MAP2K6: variants seen among roughly 807,000 people sequenced by gnomAD.
MAP2K6 encodes dual specificity mitogen-activated protein kinase kinase 6.
MAP2K6 carries 16 observed loss-of-function variants against 53.7 expected under a neutral mutation model. The observed-to-expected ratio is 0.30, with a 90% CI of 0.20 to 0.45. The LOEUF (loss-of-function observed/expected upper bound fraction) is 0.45, where lower values mean the gene tolerates loss of function less well. MAP2K6 is among the 20% of genes least tolerant of loss of function. MAP2K6 has a pLI of 1.00. For missense variants in MAP2K6, 204 were observed against 411.9 expected, an observed-to-expected ratio of 0.50 and a Z score of 4.37; for synonymous variants, 132 against 143.1, an observed-to-expected ratio of 0.92 and a Z score of 0.55.
chr17:69,477,213 G>A (rs993194013), intron 1 of MAP2K6: 1 of 152,208 alleles, frequency 6.6e-6, no homozygotes, highest in African/African-American at 2.4e-5. Flanking sequence ...AGGGAAGGAA[G>A]GAAAGCCAGT....
At chr17:69,473,796 A>C (rs1908054282) in intron 1 of MAP2K6, among the ~76,000 whole-genome samples, 1 of 152,200 alleles carries the variant, frequency 6.6e-6, no homozygotes, top group African/African-American at 2.4e-5. Context: ...AGGGTTCAAT[A>C]TATCTATTTT....
At chr17:69,522,779 G>T (rs115809472) in intron 7 of MAP2K6, among the ~76,000 whole-genome samples, 1,701 of 152,138 alleles carry the variant, frequency 0.011, 30 homozygotes, top group African/African-American at 0.039. Context: ...CTTTGGGCCA[G>T]GCTTGGTGGC....
chr17:69,527,395 G>A (rs1910830532), intron 10 of MAP2K6, among the ~76,000 whole-genome samples: 1 of 152,210 alleles, frequency 6.6e-6, no homozygotes, highest in Admixed American at 6.5e-5. Context: ...AAGGAAGTTG[G>A]GGTGGAAAGT....
intron 1 of MAP2K6, among the ~76,000 whole-genome samples, chr17:69,483,863 C>G (rs182526746): frequency 6.3e-4 from 96 of 152,040 alleles, no homozygotes; most frequent in African/African-American, 2.2e-3. Flanking sequence ...GTCTTTTCAA[C>G]AAATGTTGCT....
intron 11 of MAP2K6, among the ~76,000 whole-genome samples, chr17:69,540,636 G>T (rs1309262462): frequency 1.3e-5 from 2 of 152,184 alleles, no homozygotes; most frequent in African/African-American, 4.8e-5. Context: ...TACCATGCTT[G>T]TTCCCCTAGC....
chr17:69,475,984 CGA>C (rs1908136956), intron 1 of MAP2K6, among the ~76,000 whole-genome samples: 2 of 152,058 alleles, frequency 1.3e-5, no homozygotes, highest in Admixed American at 1.3e-4. Context: ...GAAGCAATCT[CGA>C]AACCCTTTTT....
chr17:69,415,263 G>A (rs1482476701), intron 1 of MAP2K6, among the ~76,000 whole-genome samples: 3 of 152,162 alleles, frequency 2.0e-5, no homozygotes, highest in African/African-American at 7.2e-5. Flanking sequence ...TGCACAGTCA[G>A]GAGAGACAGA....
intron 1 of MAP2K6, among the ~76,000 whole-genome samples, chr17:69,449,543 TTCTTTCTTTCTTTCTTTATTTCTTTC>T (rs1907112798): frequency 4.5e-5 from 4 of 88,442 alleles, no homozygotes; most frequent in Admixed American, 1.3e-4. Context: ...CTTTCTTTCT[TTCTTTCTTTCTTTCTTTATTTCTTTC>T]TTTCTTTCTT....
chr17:69,445,044 C>T (rs1964443), intron 1 of MAP2K6, among the ~76,000 whole-genome samples: 51,244 of 152,078 alleles, frequency 0.34, 9,937 homozygotes, highest in Admixed American at 0.43. Context: ...CCTCAGCCTC[C>T]CAAGTAGCTG....
chr17:69,452,098 A>G (rs1041907044), intron 1 of MAP2K6, among the ~76,000 whole-genome samples: 3 of 151,962 alleles, frequency 2.0e-5, no homozygotes, highest in African/African-American at 4.8e-5. Flanking sequence ...AAGTTCCCCT[A>G]ACGCAGTGCT....
At chr17:69,449,553 C>CTTTT (rs1379930305) in intron 1 of MAP2K6, among the ~76,000 whole-genome samples, 4 of 105,482 alleles carry the variant, frequency 3.8e-5, no homozygotes, top group Non-Finnish European at 5.5e-5. Flanking sequence ...TTCTTTCTTT[C>CTTTT]TTTCTTTATT....
In MAP2K6 at chr17:69,517,556, G is replaced by T. The variant is rs149312985; in HGVS notation, c.189G>T (p.Ala63=). The T allele has an allele frequency of 2.7e-5, 44 of 1,610,658 alleles. No homozygotes were observed. Among genetic ancestry groups the T allele is most frequent in the African/African-American group, 4.0e-5 (3 of 74,784 alleles). Residue 63 remains alanine, a synonymous_variant, in exon 4 of 12, where the codon GCG becomes GCT. Transcript: ENST00000590474. ...LEPIMELGRG[A]YGVVEKMRHV... is the part of the protein sequence containing the mutation. ...CTATAATGGAACTGGGACGAGGTGCGTACGGGGTGGTGGAGAAGATGCGGC... is the reference window on the plus strand; with the variant it reads ...CTATAATGGAACTGGGACGAGGTGCTTACGGGGTGGTGGAGAAGATGCGGC...
Position 69,523,542 on chromosome 17 carries a change from T to C in MAP2K6, c.564T>C (p.Asn188=). 1 of 1,614,102 alleles carries C rather than the reference T, an allele frequency of 6.2e-7. No individual in the cohort carries two copies. Among genetic ancestry groups the C allele is most frequent in the Non-Finnish European group, 8.5e-7 (1 of 1,179,968 alleles). ...RDVKPSNVLI[N]ALGQVKMCDF... ...TCAAGCCTTCTAATGTACTCATCAA[T>C]GCTCTCGGTCAAGTGAAGATGTGCG... Residue 188 remains asparagine, a synonymous_variant, in exon 8 of 12, where the codon AAT becomes AAC. Coordinates refer to ENST00000590474, the MANE Select transcript of MAP2K6 (RefSeq NM_002758.4).
At position 69,544,693 on chromosome 17, in the gene MAP2K6, C is replaced by A. The variant is rs1193548952; in HGVS notation, c.*2940C>A. On this transcript the variant is annotated 3_prime_UTR_variant, in exon 12 of 12. Coordinates refer to ENST00000590474, the MANE Select transcript of MAP2K6 (RefSeq NM_002758.4). ...TGAAAATGTTTATTAAAATAGCCAT[C>A]TTTTTTGATATTATTGGTTTAAGAG... is the stretch of plus-strand genomic sequence containing the variant. The A allele has an allele frequency of 6.6e-6, 1 of 152,054 alleles. No homozygotes were observed. The highest frequency in any genetic ancestry group is 2.4e-5 in the African/African-American group (1 of 41,404). The allele number at this position is 152,054 out of a possible 1,614,324, so 9.4% of individuals were successfully genotyped here.
At chr17:69,417,576 A>G (rs1013128078) in intron 1 of MAP2K6, among the ~76,000 whole-genome samples, 5 of 152,194 alleles carry the variant, frequency 3.3e-5, no homozygotes, top group African/African-American at 1.2e-4. Context: ...CAGCTTGTTT[A>G]TATTAGCTGT....
chr17:69,533,239 G>A (rs998972446), intron 10 of MAP2K6, among the ~76,000 whole-genome samples: 7 of 152,066 alleles, frequency 4.6e-5, no homozygotes, highest in Admixed American at 1.3e-4. Context: ...GCACCTGGTC[G>A]AGAAATCTTT....
intron 7 of MAP2K6, among the ~76,000 whole-genome samples, chr17:69,522,596 C>T (rs1345650786): frequency 6.6e-6 from 1 of 151,782 alleles, no homozygotes; most frequent in Non-Finnish European, 1.5e-5. Flanking sequence ...ATTTTTTGGG[C>T]ATATGGGCGG....
At chr17:69,470,906 A>G (rs901943879) in intron 1 of MAP2K6, among the ~76,000 whole-genome samples, 8 of 151,852 alleles carry the variant, frequency 5.3e-5, no homozygotes, top group African/African-American at 1.7e-4. Context: ...CCACCTCCCA[A>G]TGCACACTCC....
At chr17:69,528,090 C>T (rs1003272579) in intron 10 of MAP2K6, among the ~76,000 whole-genome samples, 3 of 44,020 alleles carry the variant, frequency 6.8e-5, no homozygotes, top group Admixed American at 4.7e-4. Flanking sequence ...GCCTGAGCAA[C>T]AAGAATAAAA....
Sources: gnomAD v4.1 joint callset for allele counts (sites outside exome capture counted in the v4.1 genomes callset) on GRCh38, gnomAD v4.1.1 for gene constraint, MANE v1.5 for transcripts, NCBI Gene and HGNC (gene_info 2026-07-23, HGNC 2026-07-21) for gene names.